Variants in WNK2 observed in about 807,000 individuals in gnomAD.
WNK2 encodes the protein serine/threonine-protein kinase WNK2.
A neutral mutation model predicts 192.1 loss-of-function variants in WNK2; 67 were observed. The ratio of observed to expected loss-of-function variants is 0.35; its 90% CI spans 0.29 to 0.43. The LOEUF (loss-of-function observed/expected upper bound fraction) is 0.43. WNK2 is among the 20% of genes least tolerant of loss of function. The pLI, the probability that WNK2 is intolerant of heterozygous loss-of-function variation, is 1.00. For missense variants in WNK2, 2,698 were observed against 3,089.7 expected (o/e 0.87, Z 3.01); for synonymous variants, 1,439 against 1,393.9 (o/e 1.03, Z -0.72).
chr9:93,263,878 G>T, intron 15 of WNK2, 39 bp from the exon 16 acceptor site: 1 of 1,533,388 alleles, frequency 6.5e-7, no homozygotes. Flanking sequence ...GTGCACGTGT[G>T]GGTACGCCCG....
chr9:93,255,479 T>A (rs1843146631), intron 9 of WNK2, among the ~76,000 whole-genome samples: 1 of 152,178 alleles, frequency 6.6e-6, no homozygotes, highest in Non-Finnish European at 1.5e-5. Flanking sequence ...TGATCCCAGA[T>A]ACACTTGCTC....
chr9:93,270,722 G>A (rs776579982), intron 19 of WNK2, among the ~76,000 whole-genome samples: 8 of 152,140 alleles, frequency 5.3e-5, no homozygotes, highest in African/African-American at 1.9e-4. Context: ...CCTCCCCATT[G>A]CTCACCCCCC....
In WNK2 at chr9:93,257,936, G is replaced by A. The variant is rs112462293; in HGVS notation, c.2382+797G>A. ...GTACTCCCGAGGGCTTCGGTGACCC[G>A]GACAGGCTGATCAGTGATAAGACTG... On this transcript the variant is annotated intron_variant, in intron 11 of 29. Coordinates refer to ENST00000427277, the MANE Select transcript of WNK2 (RefSeq NM_006648.4). This position sits in a 1 kb window ranked among gnomAD's most constrained non-coding sequence, Gnocchi z 4.7. Among the ~76,000 whole-genome samples, 98 of 152,310 alleles carry A rather than the reference G, an allele frequency of 6.4e-4. 1 individual carries two copies. The highest frequency in any genetic ancestry group is 2.0e-3 in the African/African-American group (85 of 41,570).
chr9:93,235,992 G>A (rs1839756598), intron 5 of WNK2, among the ~76,000 whole-genome samples: 1 of 152,234 alleles, frequency 6.6e-6, no homozygotes, highest in African/African-American at 2.4e-5. Context: ...CCCTGAGGAA[G>A]TGGGAGGGCA....
chr9:93,232,732 G>C (rs983959863), intron 4 of WNK2, among the ~76,000 whole-genome samples: 1 of 152,286 alleles, frequency 6.6e-6, no homozygotes, highest in Middle Eastern at 3.4e-3. Flanking sequence ...GGTGTTTCCA[G>C]CAGGCACAGT....
intron 19 of WNK2, 179 bp downstream of exon 19, chr9:93,268,925 ATCAGC>A: frequency 1.3e-6 from 2 of 1,556,986 alleles, no homozygotes; most frequent in South Asian, 2.4e-5. Context: ...TTTCTGCTGA[ATCAGC>A]TCAGTCAAAG....
At chr9:93,287,023 G>C (rs1848539479) in intron 19 of WNK2, among the ~76,000 whole-genome samples, 1 of 152,190 alleles carries the variant, frequency 6.6e-6, no homozygotes, top group South Asian at 2.1e-4. Context: ...GAGGGAAACG[G>C]AGTTACCATT....
chr9:93,234,917 C>G lies in WNK2; in HGVS notation c.1185C>G (p.Pro395=). 1 of 1,614,188 alleles carries G rather than the reference C, an allele frequency of 6.2e-7. No individual in the cohort carries two copies. Among genetic ancestry groups the G allele is most frequent in the Non-Finnish European group, 8.5e-7 (1 of 1,180,006 alleles). ...CMLEMATSEY[P]YSECQNAAQI... ...TGGAGATGGCCACCTCGGAGTACCC[C>G]TACTCGGAGTGCCAGAATGCGGCCC... Residue 395 remains proline (P), a synonymous_variant, in exon 5 of 30, where the codon CCC becomes CCG. Coordinates refer to ENST00000427277, the MANE Select transcript of WNK2 (RefSeq NM_006648.4).
At chr9:93,275,395 T>TAA (rs34492909) in intron 19 of WNK2, among the ~76,000 whole-genome samples, 1 of 146,984 alleles carries the variant, frequency 6.8e-6, no homozygotes, top group Non-Finnish European at 1.5e-5. Flanking sequence ...CCAGGTATCT[T>TAA]AAAAAAAAAA....
intron 29 of WNK2, 21 bp from the exon 30 acceptor site, chr9:93,320,346 C>T (rs747296800): frequency 1.5e-6 from 2 of 1,367,482 alleles, no homozygotes; most frequent in Non-Finnish European, 2.0e-6. Context: ...CCACAGTCAG[C>T]TGCGCGGTTT....
rs1322321166 is a variant in WNK2, at chr9:93,297,871, G to A, written c.5727G>A (p.Ser1909=). ...CCTGCAGGCACCTGAAGGAGATCTC[G>A]GAGCTGCAGAGCCAGCAGAAGCAGG... is the stretch of plus-strand genomic sequence containing the variant. ...SLREKHLKEI[S]ELQSQQKQEI... Residue 1909 remains serine (S), a synonymous_variant, in exon 24 of 30, where the codon TCG becomes TCA. Coordinates refer to ENST00000427277, the MANE Select transcript of WNK2 (RefSeq NM_006648.4). 42 of 1,586,316 alleles carry A rather than the reference G, an allele frequency of 2.6e-5. No individual in the cohort carries two copies. Among genetic ancestry groups the A allele is most frequent in the South Asian group, 1.3e-4 (11 of 86,886 alleles).
At chr9:93,308,078 CAG>C in intron 27 of WNK2, 3 of 648,068 alleles carry the variant, frequency 4.6e-6, no homozygotes, top group Non-Finnish European at 7.6e-6. Flanking sequence ...CCGGCTGCTG[CAG>C]AGTCCTGTCC....
chr9:93,259,483 G>GTGCTGCCCCCGCAACCCA lies in WNK2; in HGVS notation c.2946_2963dup (p.Met985_Pro990dup), dbSNP rs747122953. 6.9e-7 allele frequency: 1 copy of GTGCTGCCCCCGCAACCCA among 1,444,428 alleles called. No homozygotes were observed. Among genetic ancestry groups the GTGCTGCCCCCGCAACCCA allele is most frequent in the Non-Finnish European group, 9.1e-7 (1 of 1,100,068 alleles). The allele number at this position is 1,444,428 out of a possible 1,614,324, so 89.5% of individuals were successfully genotyped here. ...GCAACCCACACGGCCCCCTCAACCT[G>GTGCTGCCCCCGCAACCCA]TGCTGCCCCCGCAACCCATGCTGCC... On this transcript the variant is annotated inframe_insertion, in exon 12 of 30. Coordinates refer to ENST00000427277, the MANE Select transcript of WNK2 (RefSeq NM_006648.4). This position sits in a 1 kb window ranked among gnomAD's most constrained non-coding sequence, Gnocchi z 4.8.
At chr9:93,186,421 A>T (rs947178906) in intron 2 of WNK2, among the ~76,000 whole-genome samples, 1 of 152,142 alleles carries the variant, frequency 6.6e-6, no homozygotes, top group Non-Finnish European at 1.5e-5. Flanking sequence ...CTGTCCTGGG[A>T]CAGCCTAGGA....
At chr9:93,319,236 C>T (rs1292589120) in intron 29 of WNK2, 5 of 1,595,830 alleles carry the variant, frequency 3.1e-6, no homozygotes, top group East Asian at 2.2e-5. Flanking sequence ...TTTTTCTTAC[C>T]CTCTATCCAT....
intron 2 of WNK2, among the ~76,000 whole-genome samples, chr9:93,225,095 C>T (rs961005035): frequency 6.6e-6 from 1 of 152,086 alleles, no homozygotes; most frequent in African/African-American, 2.4e-5. Context: ...GACACACTAA[C>T]CGACTGTTAA....
At chr9:93,213,018 A>G (rs751954463) in intron 2 of WNK2, among the ~76,000 whole-genome samples, 11 of 151,856 alleles carry the variant, frequency 7.2e-5, no homozygotes, top group Non-Finnish European at 1.5e-4. Flanking sequence ...TCAGTCAAGG[A>G]GGAGAGATGG....
intron 4 of WNK2, 59 bp from the exon 5 acceptor site, chr9:93,234,749 T>C: frequency 6.4e-7 from 1 of 1,568,274 alleles, no homozygotes; most frequent in Non-Finnish European, 8.7e-7. Context: ...GGACACTGGC[T>C]CCAGCTCTTC....
At position 93,259,383 on chromosome 9, in the gene WNK2, T is replaced by C; in HGVS notation, c.2835T>C (p.Pro945=). The change falls in exon 12 of 30, where the codon CCT becomes CCC. Residue 945 remains proline, a synonymous_variant. Transcript: ENST00000427277. This position sits in a 1 kb window ranked among gnomAD's most constrained non-coding sequence, Gnocchi z 4.8. ...CCACCCCTCCACAGCCGGCACTGCC[T>C]CCACAACCCACACTGCCCCCACAAC... ...MRATPPQPAL[P]PQPTLPPQPV... is the part of the protein sequence containing the mutation. 1.2e-6 allele frequency: 2 copies of C among 1,601,448 alleles called. No individual in the cohort carries two copies. The highest frequency in any genetic ancestry group is 2.8e-5 in the African/African-American group (2 of 71,692).
Sources: gnomAD v4.1 joint callset for allele counts (sites outside exome capture counted in the v4.1 genomes callset) on GRCh38, gnomAD v4.1.1 for gene constraint, Gnocchi (gnomAD v3.1) non-coding constraint, MANE v1.5 for transcripts, NCBI Gene and HGNC (gene_info 2026-07-23, HGNC 2026-07-21) for gene names.